The following DLG2 variants were observed in gnomAD, a reference collection of about 807,000 sequenced individuals.
DLG2 encodes discs large MAGUK scaffold protein 2, also known as disks large homolog 2.
Under a neutral mutation model 132.5 loss-of-function variants are expected in DLG2, and 45 were observed. The observed-to-expected ratio is 0.34, with a 90% CI of 0.27 to 0.44. The LOEUF is 0.44. Among genes scored for constraint, DLG2 ranks in the 20% least tolerant of loss-of-function variants. DLG2 has a pLI of 1.00. For synonymous variants in DLG2, 424 were observed against 419.6 expected (o/e 1.01, Z -0.13); for missense variants, 1,045 against 1,196.9 (o/e 0.87, Z 1.87).
At chr11:84,029,619 CAAT>C (rs1291145423) in intron 11 of DLG2, among the ~76,000 whole-genome samples, 1 of 152,024 alleles carries the variant, frequency 6.6e-6, no homozygotes, top group Non-Finnish European at 1.5e-5. Flanking sequence ...ATTTGAGAAG[CAAT>C]AATAATAATA....
At chr11:85,000,294 A>G (rs1055420807) in intron 6 of DLG2, among the ~76,000 whole-genome samples, 6 of 152,200 alleles carry the variant, frequency 3.9e-5, no homozygotes, top group Non-Finnish European at 8.8e-5. Flanking sequence ...GTTAAATTTT[A>G]TAACTAGGTC....
At chr11:83,477,715 A>G (rs1487815785) in intron 22 of DLG2, among the ~76,000 whole-genome samples, 1 of 151,144 alleles carries the variant, frequency 6.6e-6, no homozygotes, top group Admixed American at 6.6e-5. Flanking sequence ...AGTGAAATAC[A>G]ACACCTGGAT....
chr11:84,301,182 G>C (rs977877435), intron 7 of DLG2, among the ~76,000 whole-genome samples: 2 of 152,084 alleles, frequency 1.3e-5, no homozygotes, highest in Non-Finnish European at 2.9e-5. Flanking sequence ...CTTAAAGAAA[G>C]GTAACCTACA....
intron 7 of DLG2, among the ~76,000 whole-genome samples, chr11:84,388,646 C>T (rs914100322): frequency 4.0e-5 from 6 of 150,960 alleles, no homozygotes; most frequent in Non-Finnish European, 7.4e-5. Flanking sequence ...TCTCTGGCTA[C>T]GAGATGAAGC....
chr11:83,561,514 T>C (rs1055173645), intron 19 of DLG2, among the ~76,000 whole-genome samples: 4 of 152,206 alleles, frequency 2.6e-5, no homozygotes, highest in African/African-American at 9.7e-5. Flanking sequence ...AAGAGTAATT[T>C]TGGTTTTCCT....
At chr11:84,776,727 T>C (rs1433787337) in intron 6 of DLG2, among the ~76,000 whole-genome samples, 2 of 152,188 alleles carry the variant, frequency 1.3e-5, no homozygotes, top group Non-Finnish European at 2.9e-5. Context: ...TTGTCATGTA[T>C]ACCAATATTT....
At chr11:84,780,926 T>C (rs1470369753) in intron 6 of DLG2, among the ~76,000 whole-genome samples, 1 of 141,766 alleles carries the variant, frequency 7.1e-6, no homozygotes, top group Non-Finnish European at 1.5e-5. Context: ...AACGGCTGAG[T>C]AGCTAAAAGC....
chr11:85,352,451 CT>C (rs2083369663), intron 3 of DLG2, among the ~76,000 whole-genome samples: 2 of 152,018 alleles, frequency 1.3e-5, no homozygotes, highest in Non-Finnish European at 2.9e-5. Flanking sequence ...CTTCTGCTAG[CT>C]TTTGAATGTG....
intron 16 of DLG2, among the ~76,000 whole-genome samples, chr11:83,863,843 C>T (rs1367454089): frequency 6.6e-6 from 1 of 151,974 alleles, no homozygotes; most frequent in Non-Finnish European, 1.5e-5. Flanking sequence ...GCTGCTATAC[C>T]AAGGAGAGAG....
chr11:84,185,145 T>C (rs911677955), intron 8 of DLG2, among the ~76,000 whole-genome samples: 16 of 152,270 alleles, frequency 1.1e-4, no homozygotes, highest in African/African-American at 3.9e-4. Context: ...GCATTGAATC[T>C]ATAAATTACC....
At chr11:85,191,194 AC>A (rs2080540003) in intron 4 of DLG2, among the ~76,000 whole-genome samples, 1 of 151,238 alleles carries the variant, frequency 6.6e-6, no homozygotes, top group African/African-American at 2.4e-5. Flanking sequence ...ACACACACAC[AC>A]ACACACACAC....
chr11:85,526,557 C>T (rs570092135), intron 3 of DLG2, among the ~76,000 whole-genome samples: 26 of 152,282 alleles, frequency 1.7e-4, no homozygotes, highest in Middle Eastern at 3.4e-3. Flanking sequence ...AGAAAAATGA[C>T]ACCATATGTA....
intron 19 of DLG2, among the ~76,000 whole-genome samples, chr11:83,556,917 G>C (rs1158790917): frequency 6.6e-6 from 1 of 152,166 alleles, no homozygotes; most frequent in Non-Finnish European, 1.5e-5. Flanking sequence ...ACTGACCCCT[G>C]GCCAGTGGTA....
At chr11:84,664,893 C>G (rs576237810) in intron 6 of DLG2, among the ~76,000 whole-genome samples, 4 of 152,064 alleles carry the variant, frequency 2.6e-5, no homozygotes, top group African/African-American at 9.7e-5. Flanking sequence ...ATTATACATT[C>G]CTGCCTCATT....
In DLG2 at chr11:83,930,344, C is replaced by T. The variant is rs780818195; in HGVS notation, c.1480G>A (p.Asp494Asn). 4.3e-6 allele frequency: 7 copies of T among 1,613,818 alleles called. No homozygotes were observed. The East Asian group carries it at 1.1e-4, about 26-fold the overall frequency. The change falls in exon 15 of 28, where the codon GAC becomes AAC. Residue 494 changes from aspartate to asparagine, a missense_variant. Physicochemically the swap from Asp to Asn is conservative, Grantham distance 23 (BLOSUM62 1). Around this residue, in one of 4 missense-constraint regions of DLG2, gnomAD observed 261 missense variants for 256.1 expected, o/e 1.02. Transcript: ENST00000376104. The stretch of plus-strand genomic sequence containing the variant: ...ATGCAGTACCTGGTCATCTCAGAGT[C>T]AGGTAGCAGGCCTAGGTGGTAGTGG... ...YSHYHLGLLP[D>N]SEMTSHSQHS...
chr11:84,736,941 G>A (rs1448266427), intron 6 of DLG2, among the ~76,000 whole-genome samples: 3 of 152,088 alleles, frequency 2.0e-5, no homozygotes, highest in South Asian at 4.1e-4. Context: ...CTGATCTTAA[G>A]GGGAAAACAT....
intron 6 of DLG2, among the ~76,000 whole-genome samples, chr11:84,918,791 T>C (rs1416322521): frequency 6.6e-6 from 1 of 152,124 alleles, no homozygotes; most frequent in Non-Finnish European, 1.5e-5. Context: ...TTTCTTCCTT[T>C]TTTTCTTTCT....
At chr11:84,610,052 G>A (rs1286276428) in intron 6 of DLG2, among the ~76,000 whole-genome samples, 3 of 151,922 alleles carry the variant, frequency 2.0e-5, no homozygotes, top group Non-Finnish European at 4.4e-5. Context: ...CATATGTAGG[G>A]ATAATAATTG....
chr11:85,620,271 T>C (rs2081607933), intron 2 of DLG2, among the ~76,000 whole-genome samples: 1 of 152,238 alleles, frequency 6.6e-6, no homozygotes, highest in Non-Finnish European at 1.5e-5. Flanking sequence ...TTGTGTGTTA[T>C]CTGACTCCTC....
Sources: allele counts gnomAD v4.1 joint callset (sites outside exome capture counted in the v4.1 genomes callset), GRCh38; gene constraint gnomAD v4.1.1; regional missense constraint gnomAD v4.1.1; transcripts MANE v1.5; gene names NCBI Gene and HGNC (gene_info 2026-07-23, HGNC 2026-07-21).